C9orf72: variants seen among roughly 807,000 people sequenced by gnomAD.
C9orf72 encodes guanine nucleotide exchange factor C9orf72.
In C9orf72, 44 loss-of-function variants were observed where a neutral mutation model predicts 51.6. The observed-to-expected ratio is 0.85, with a 90% CI of 0.67 to 1.10. The LOEUF (loss-of-function observed/expected upper bound fraction) is 1.10. Among genes scored for constraint, C9orf72 ranks in the 50% least tolerant of loss-of-function variants. The pLI is 0.00. For synonymous variants in C9orf72, 213 were observed against 194.2 expected, an observed-to-expected ratio of 1.10 and a Z score of -0.81; for missense variants, 607 against 570.6, an observed-to-expected ratio of 1.06 and a Z score of -0.65.
intron 10 of C9orf72, 39 bp from the exon 11 acceptor site, chr9:27,548,461 A>G (rs13285738): frequency 8.6e-7 from 1 of 1,166,604 alleles, no homozygotes; most frequent in Non-Finnish European, 1.1e-6. Context: ...AAAAAAAAAA[A>G]GAAGCGCAAA....
At chr9:27,561,346 T>C (rs1173970177) in intron 5 of C9orf72, 6 of 1,268,340 alleles carry the variant, frequency 4.7e-6, no homozygotes, top group Non-Finnish European at 5.9e-6. Context: ...CAAGGGGCCA[T>C]GATTTCTTGT....
At chr9:27,553,068 G>A (rs1340954360) in intron 8 of C9orf72, among the ~76,000 whole-genome samples, 1 of 152,002 alleles carries the variant, frequency 6.6e-6, no homozygotes, top group Non-Finnish European at 1.5e-5. Flanking sequence ...GGTATAAAGA[G>A]ATGACACAAA....
At chr9:27,561,166 A>G (rs905592444) in intron 5 of C9orf72, 24 of 814,540 alleles carry the variant, frequency 2.9e-5, no homozygotes, top group Middle Eastern at 6.1e-4. Context: ...GTCTGGTTTA[A>G]GGGCACAAAC....
At position 27,556,708 on chromosome 9, in the gene C9orf72, A is replaced by G; in HGVS notation, c.944T>C (p.Val315Ala). The change falls in exon 8 of 11, where the codon GTG (valine) becomes GCG (alanine). Residue 315 changes from valine to alanine, a missense_variant. By Grantham distance (64) the Val-to-Ala change is moderately conservative. Transcript: ENST00000380003. ...TTHIDVDVNT[V>A]KQMPPCHEHI... ...TTCATGACAGGGTGGCATCTGCTTC[A>G]CAGTATTGACATCCACATCTATGTG... 6.2e-7 allele frequency: 1 copy of G among 1,613,980 alleles called. No individual in the cohort carries two copies. Among genetic ancestry groups the G allele is most frequent in the Non-Finnish European group, 8.5e-7 (1 of 1,179,880 alleles).
In C9orf72 at chr9:27,565,525, A is replaced by G; in HGVS notation, c.504+6T>C. The G allele has an allele frequency of 1.3e-6, 2 of 1,582,194 alleles. No individual in the cohort carries two copies. The highest frequency in any genetic ancestry group is 1.7e-6 in the Non-Finnish European group (2 of 1,152,972). On this transcript the variant is annotated splice_donor_region_variant and intron_variant, in intron 3 of 10. Coordinates refer to ENST00000380003, the MANE Select transcript of C9orf72 (RefSeq NM_018325.5). ...AAACATTTGACAGTATGCAATTTGC[A>G]TATACCTGATCTTCCATTCTCTCTG...
chr9:27,567,130 C>T lies in C9orf72; in HGVS notation c.-10G>A, dbSNP rs1587319100. ...GGCAAAGAGTCGACATCACTGCATT[C>T]CAACTGTCACATTATCCAAATGCTC... On this transcript the variant is annotated 5_prime_UTR_variant, in exon 2 of 11. Coordinates refer to ENST00000380003, the MANE Select transcript of C9orf72 (RefSeq NM_018325.5). The T allele has an allele frequency of 6.2e-7, 1 of 1,607,152 alleles. No individual in the cohort carries two copies. Among genetic ancestry groups the T allele is most frequent in the Non-Finnish European group, 8.5e-7 (1 of 1,175,144 alleles).
chr9:27,561,332 C>T, intron 5 of C9orf72: 1 of 1,240,156 alleles, frequency 8.1e-7, no homozygotes. Flanking sequence ...AAACCAGAAT[C>T]AAGCAAGGGG....
rs1356461903 is a variant in C9orf72, at chr9:27,566,863, G to A, written c.258C>T (p.Val86=). ...CAATAATCACTCCCTTTTCAGACAA[G>A]ACAAAAAACTTTACATCTATAGCAC... ...ESGAIDVKFF[V]LSEKGVIIVS... The change falls in exon 2 of 11, where the codon GTC becomes GTT. Residue 86 remains valine, a synonymous_variant. Transcript: ENST00000380003. 3 of 1,613,858 alleles carry A rather than the reference G, an allele frequency of 1.9e-6. No individual in the cohort carries two copies. Among genetic ancestry groups the A allele is most frequent in the East Asian group, 4.5e-5 (2 of 44,874 alleles).
At chr9:27,560,694 A>G (rs1224427577) in intron 5 of C9orf72, 21 of 988,430 alleles carry the variant, frequency 2.1e-5, no homozygotes, top group Non-Finnish European at 2.4e-5. Flanking sequence ...CTTCTGATTC[A>G]AGCCATTAAG....
intron 4 of C9orf72, 113 bp downstream of exon 4, chr9:27,562,268 T>A (rs1361423791): frequency 2.2e-5 from 9 of 409,352 alleles, no homozygotes; most frequent in Non-Finnish European, 3.8e-5. Context: ...TGTATGTGAA[T>A]AGTATGTATG....
intron 2 of C9orf72, among the ~76,000 whole-genome samples, 199 bp from the exon 3 acceptor site, chr9:27,565,789 A>C (rs1391652693): frequency 6.6e-6 from 1 of 152,162 alleles, no homozygotes. Flanking sequence ...AAATCAAAAC[A>C]ACCTTTATTC....
In C9orf72 at chr9:27,556,807, A is replaced by G; in HGVS notation, c.856-11T>C. 1 of 1,576,246 alleles carries G rather than the reference A, an allele frequency of 6.3e-7. No individual in the cohort carries two copies. Among genetic ancestry groups the G allele is most frequent in the Middle Eastern group, 1.7e-4 (1 of 5,976 alleles). ...GCTTCCAGTTGAATCCTGTCAAAAT[A>G]AAAGGAAAATTTACTGTCTTACATG... is the stretch of plus-strand genomic sequence containing the variant. On this transcript the variant is annotated splice_polypyrimidine_tract_variant and intron_variant, in intron 7 of 10. Coordinates refer to ENST00000380003, the MANE Select transcript of C9orf72 (RefSeq NM_018325.5).
At chr9:27,562,637 T>G (rs1011679118) in intron 3 of C9orf72, among the ~76,000 whole-genome samples, 161 bp from the exon 4 acceptor site, 1 of 152,022 alleles carries the variant, frequency 6.6e-6, no homozygotes, top group African/African-American at 2.4e-5. Flanking sequence ...GTCTAAAGGA[T>G]TTATATGCAA....
chr9:27,562,859 C>T (rs752010272), intron 3 of C9orf72, among the ~76,000 whole-genome samples: 1 of 151,824 alleles, frequency 6.6e-6, no homozygotes, highest in Non-Finnish European at 1.5e-5. Flanking sequence ...TTAGTAGAGA[C>T]GGGGTTTCGC....
At position 27,560,895 on chromosome 9, in the gene C9orf72, G is replaced by A. The variant is rs73643416; in HGVS notation, c.666-596C>T. ...TAATACATGTAAAGCAACTAGTAAA[G>A]GAACTAACATGTAGGCACTCAACAA... On this transcript the variant is annotated intron_variant, in intron 5 of 10. Transcript: ENST00000380003. 8.0e-3 allele frequency: 3,690 copies of A among 459,420 alleles called. 147 individuals carry two copies. Among genetic ancestry groups the A allele is most frequent in the African/African-American group, 0.072 (3,411 of 47,232 alleles). The allele number at this position is 459,420 out of a possible 1,614,324, so 28.5% of individuals were successfully genotyped here.
At chr9:27,566,168 T>A (rs748058203) in intron 2 of C9orf72, among the ~76,000 whole-genome samples, 15 of 152,158 alleles carry the variant, frequency 9.9e-5, no homozygotes, top group Non-Finnish European at 1.9e-4. Flanking sequence ...CTACAGGATT[T>A]AGGAAAACAA....
intron 1 of C9orf72, among the ~76,000 whole-genome samples, chr9:27,570,161 T>C (rs1819554900): frequency 6.6e-6 from 1 of 152,230 alleles, no homozygotes; most frequent in African/African-American, 2.4e-5. Flanking sequence ...GCACTAGATA[T>C]AAGCCGTACA....
intron 1 of C9orf72, among the ~76,000 whole-genome samples, chr9:27,571,705 G>A (rs997295438): frequency 3.3e-5 from 5 of 152,094 alleles, no homozygotes; most frequent in Non-Finnish European, 5.9e-5. Flanking sequence ...TCTTGCCTCC[G>A]CCTCCCAAAG....
chr9:27,562,461 G>A lies in C9orf72; in HGVS notation c.520C>T (p.Pro174Ser), dbSNP rs1342517641. The change falls in exon 4 of 11, where the codon CCA becomes TCA. Residue 174 changes from proline (P) to serine (S), a missense_variant. Coordinates refer to ENST00000380003, the MANE Select transcript of C9orf72 (RefSeq NM_018325.5). The part of the protein sequence containing the change: ...RMEDQGQSII[P>S]MLTGEVIPVM... ...GGAATCACTTCTCCAGTAAGCATTG[G>A]AATAATACTCTGACCCTGCACAATA... 6.3e-7 allele frequency: 1 copy of A among 1,576,964 alleles called. No homozygotes were observed. The highest frequency in any genetic ancestry group is 1.4e-5 in the African/African-American group (1 of 73,184).
Sources: gnomAD v4.1 joint callset for allele counts (sites outside exome capture counted in the v4.1 genomes callset) on GRCh38, gnomAD v4.1.1 for gene constraint, MANE v1.5 for transcripts, NCBI Gene and HGNC (gene_info 2026-07-23, HGNC 2026-07-21) for gene names.